Variants in TMEM132B observed in about 807,000 individuals in gnomAD.
The protein encoded by TMEM132B is transmembrane protein 132B.
In TMEM132B, 18 loss-of-function variants were observed where a neutral mutation model predicts 90.8. That is an observed-to-expected ratio of 0.20 (90% CI 0.14 to 0.29). The LOEUF is 0.29. Ranked by LOEUF, TMEM132B falls within the 10% of genes least tolerant of loss-of-function variation. The pLI is 1.00. For missense variants in TMEM132B, 1,096 were observed against 1,326.8 expected (o/e 0.83, Z 2.70); for synonymous variants, 504 against 523.3 (o/e 0.96, Z 0.50).
At chr12:125,362,735 G>A (rs543444349) in intron 2 of TMEM132B, among the ~76,000 whole-genome samples, 2 of 152,180 alleles carry the variant, frequency 1.3e-5, no homozygotes, top group East Asian at 3.9e-4. Context: ...TTCTATAATT[G>A]GCTTATTCAT....
intron 1 of TMEM132B, among the ~76,000 whole-genome samples, chr12:125,280,539 G>A (rs758296444): frequency 2.9e-4 from 44 of 152,198 alleles, no homozygotes; most frequent in Non-Finnish European, 5.7e-4. Context: ...CTGGCCATGG[G>A]CTCTGCTCCC....
intron 1 of TMEM132B, among the ~76,000 whole-genome samples, chr12:125,268,934 C>G (rs1874758022): frequency 6.6e-6 from 1 of 152,224 alleles, no homozygotes; most frequent in Non-Finnish European, 1.5e-5. Flanking sequence ...CCCCAGCAAT[C>G]TTACCATGCT....
chr12:125,362,440 A>G (rs895080633), intron 2 of TMEM132B, among the ~76,000 whole-genome samples: 1 of 152,246 alleles, frequency 6.6e-6, no homozygotes, highest in African/African-American at 2.4e-5. Context: ...TGCCCTGGAT[A>G]AGGTATATTT....
chr12:125,295,244 G>A (rs1027313619), intron 1 of TMEM132B, among the ~76,000 whole-genome samples: 1 of 152,222 alleles, frequency 6.6e-6, no homozygotes, highest in Non-Finnish European at 1.5e-5. Flanking sequence ...AGCACTCCGT[G>A]GCTGGGCTGG....
chr12:125,651,982 G>A lies in TMEM132B; in HGVS notation c.1915-459G>A, dbSNP rs554946134. On this transcript the variant is annotated intron_variant, in intron 7 of 8. Transcript: ENST00000682704. ...GTCCTTCTCACACTGTGAATCTCTGGCTTCCCCTTCTGCCCCTAGCCAGGA... is the reference window on the plus strand; with the variant it reads ...GTCCTTCTCACACTGTGAATCTCTGACTTCCCCTTCTGCCCCTAGCCAGGA... Among the ~76,000 whole-genome samples the A allele has an allele frequency of 5.3e-4, 80 of 152,198 alleles. No individual in the cohort carries two copies. The South Asian group carries it at 0.016, about 31-fold the overall frequency.
intron 6 of TMEM132B, among the ~76,000 whole-genome samples, chr12:125,647,679 AG>A (rs1199665742): frequency 6.6e-6 from 1 of 152,204 alleles, no homozygotes; most frequent in Non-Finnish European, 1.5e-5. Flanking sequence ...CTACCTTTAA[AG>A]GGTGGCTAAT....
At chr12:125,240,933 G>A (rs996268618) in intron 1 of TMEM132B, among the ~76,000 whole-genome samples, 2 of 152,212 alleles carry the variant, frequency 1.3e-5, no homozygotes, top group African/African-American at 2.4e-5. Flanking sequence ...ATGAGTGATC[G>A]CGTGAGTGAA....
chr12:125,400,176 A>G (rs968526886), intron 2 of TMEM132B, among the ~76,000 whole-genome samples: 1 of 152,254 alleles, frequency 6.6e-6, no homozygotes, highest in Admixed American at 6.5e-5. Context: ...TGAAATAACT[A>G]AAACCATTCT....
chr12:125,192,220 C>G (rs962209064), intron 1 of TMEM132B, among the ~76,000 whole-genome samples: 3 of 152,192 alleles, frequency 2.0e-5, no homozygotes, highest in African/African-American at 7.2e-5. Flanking sequence ...GATACGCAAA[C>G]TGAGGCCCAG....
At chr12:125,547,335 T>C (rs536707548) in intron 4 of TMEM132B, among the ~76,000 whole-genome samples, 2 of 135,884 alleles carry the variant, frequency 1.5e-5, no homozygotes, top group South Asian at 2.6e-4. Flanking sequence ...TAGCCATTTT[T>C]TTGTGGCTGC....
intron 1 of TMEM132B, among the ~76,000 whole-genome samples, chr12:125,285,914 A>G (rs1274918725): frequency 6.6e-6 from 1 of 152,092 alleles, no homozygotes; most frequent in Non-Finnish European, 1.5e-5. Flanking sequence ...CTTGACAGGG[A>G]GTTTTAAGGT....
At chr12:125,403,366 C>T (rs1879372998) in intron 2 of TMEM132B, among the ~76,000 whole-genome samples, 1 of 152,156 alleles carries the variant, frequency 6.6e-6, no homozygotes, top group Admixed American at 6.6e-5. Context: ...AAGCGTTGCC[C>T]AAATAAAACT....
intron 4 of TMEM132B, among the ~76,000 whole-genome samples, chr12:125,543,922 G>GCAATAGC (rs1884023279): frequency 6.6e-6 from 1 of 150,588 alleles, no homozygotes. Flanking sequence ...AGCACTATTT[G>GCAATAGC]CAATAGCAAA....
intron 2 of TMEM132B, among the ~76,000 whole-genome samples, chr12:125,354,281 G>T (rs1056796717): frequency 1.3e-5 from 2 of 152,200 alleles, no homozygotes; most frequent in Non-Finnish European, 2.9e-5. Context: ...AGCCCATAGA[G>T]GTGTGCCTTA....
At chr12:125,208,454 C>T (rs1873234852) in intron 1 of TMEM132B, among the ~76,000 whole-genome samples, 2 of 152,228 alleles carry the variant, frequency 1.3e-5, no homozygotes, top group South Asian at 4.1e-4. Flanking sequence ...TCCCCACCCC[C>T]ATTCCTCCAG....
chr12:125,286,271 T>G (rs964593335), intron 1 of TMEM132B, among the ~76,000 whole-genome samples: 25 of 152,226 alleles, frequency 1.6e-4, no homozygotes, highest in Non-Finnish European at 2.8e-4. Context: ...CTCATGCTCT[T>G]GGGTACAGCC....
intron 1 of TMEM132B, among the ~76,000 whole-genome samples, chr12:125,272,293 A>G (rs749520186): frequency 6.6e-6 from 1 of 152,210 alleles, no homozygotes; most frequent in Non-Finnish European, 1.5e-5. Flanking sequence ...CATTTGTTGC[A>G]TTTGCAGAAA....
intron 4 of TMEM132B, among the ~76,000 whole-genome samples, chr12:125,573,969 T>C (rs547497682): frequency 3.0e-4 from 46 of 152,320 alleles, no homozygotes; most frequent in South Asian, 2.9e-3. Context: ...ATTCATCACG[T>C]TATCTGTTAC....
At chr12:125,509,670 T>A (rs1014989179) in intron 3 of TMEM132B, among the ~76,000 whole-genome samples, 3 of 148,620 alleles carry the variant, frequency 2.0e-5, no homozygotes, top group Admixed American at 2.0e-4. Flanking sequence ...AGGAAGACTA[T>A]TCTTTTATAC....
Sources: gnomAD v4.1 joint callset for allele counts (sites outside exome capture counted in the v4.1 genomes callset) on GRCh38, gnomAD v4.1.1 for gene constraint, MANE v1.5 for transcripts, NCBI Gene and HGNC (gene_info 2026-07-23, HGNC 2026-07-21) for gene names.